ANKMY2: variants seen among roughly 807,000 people sequenced by gnomAD.
The protein encoded by ANKMY2 is ankyrin repeat and MYND domain-containing protein 2.
Under a neutral mutation model 50.4 loss-of-function variants are expected in ANKMY2, and 36 were observed. That is an observed-to-expected ratio of 0.71 (90% CI 0.55 to 0.94). The LOEUF is 0.94. Among genes scored for constraint, ANKMY2 ranks in the 40% least tolerant of loss-of-function variants. ANKMY2 has a pLI of 0.00. For synonymous variants in ANKMY2, 187 were observed against 178.8 expected (o/e 1.05, Z -0.36); for missense variants, 565 against 524.0 (o/e 1.08, Z -0.76).
intron 2 of ANKMY2, among the ~76,000 whole-genome samples, chr7:16,632,203 T>A (rs1169738289): frequency 6.6e-6 from 1 of 151,648 alleles, no homozygotes; most frequent in East Asian, 1.9e-4. Flanking sequence ...ATTTTGGTTT[T>A]AAGTTGATAA....
chr7:16,618,404 T>C (rs1206996246), intron 4 of ANKMY2, among the ~76,000 whole-genome samples: 2 of 152,170 alleles, frequency 1.3e-5, no homozygotes, highest in Non-Finnish European at 1.5e-5. Flanking sequence ...GGAAATCTAA[T>C]AGTGAAAATT....
intron 4 of ANKMY2, among the ~76,000 whole-genome samples, chr7:16,622,650 G>A (rs974714387): frequency 1.3e-5 from 2 of 152,046 alleles, no homozygotes; most frequent in Non-Finnish European, 2.9e-5. Flanking sequence ...TGAGGCAGGA[G>A]AATCACTTGA....
intron 4 of ANKMY2, among the ~76,000 whole-genome samples, chr7:16,616,138 A>G (rs960503179): frequency 1.3e-5 from 2 of 152,138 alleles, no homozygotes; most frequent in Non-Finnish European, 2.9e-5. Flanking sequence ...CAAAATACAT[A>G]CGAAGATTAT....
At chr7:16,620,801 A>G (rs1360168674) in intron 4 of ANKMY2, among the ~76,000 whole-genome samples, 3 of 152,226 alleles carry the variant, frequency 2.0e-5, no homozygotes, top group African/African-American at 7.2e-5. Flanking sequence ...TTTATAAGTT[A>G]TACTACTTAA....
intron 9 of ANKMY2, 132 bp from the exon 10 acceptor site, chr7:16,601,077 G>A (rs748546862): frequency 3.2e-5 from 20 of 630,314 alleles, no homozygotes; most frequent in South Asian, 6.6e-5. Flanking sequence ...CATCGCTAAC[G>A]TTATTTTACA....
chr7:16,620,094 T>C, intron 4 of ANKMY2, among the ~76,000 whole-genome samples: 1 of 152,176 alleles, frequency 6.6e-6, no homozygotes, highest in East Asian at 1.9e-4. Flanking sequence ...ATGATGGGTG[T>C]CAAAGAATAT....
chr7:16,630,432 T>C (rs577956029), intron 2 of ANKMY2, among the ~76,000 whole-genome samples: 4 of 152,348 alleles, frequency 2.6e-5, no homozygotes, highest in African/African-American at 9.6e-5. Context: ...CTTAACTGAA[T>C]AGCATGAGAA....
chr7:16,618,149 C>A (rs546833942), intron 4 of ANKMY2, among the ~76,000 whole-genome samples: 175 of 152,152 alleles, frequency 1.2e-3, no homozygotes, highest in South Asian at 4.8e-3. Context: ...TGGTCTCAAA[C>A]TCCTGACCTC....
chr7:16,627,118 G>A lies in ANKMY2; in HGVS notation c.193C>T (p.Leu65=). The change falls in exon 3 of 10, where the codon CTA becomes TTA. Residue 65 remains leucine (L), a synonymous_variant. Coordinates refer to ENST00000306999, the MANE Select transcript of ANKMY2 (RefSeq NM_020319.3). ...TTTACATCGGCTCCATGTCGCAGTA[G>A]TAATTTGCACATATCGAGTTTTCCT... ...YKGKLDMCKL[L]LRHGADVNCH... 6.2e-7 allele frequency: 1 copy of A among 1,612,244 alleles called. No homozygotes were observed. The highest frequency in any genetic ancestry group is 8.5e-7 in the Non-Finnish European group (1 of 1,178,870).
At chr7:16,628,593 A>T (rs1266312020) in intron 2 of ANKMY2, among the ~76,000 whole-genome samples, 1 of 152,082 alleles carries the variant, frequency 6.6e-6, no homozygotes, top group Non-Finnish European at 1.5e-5. Context: ...TTAGCTTTTA[A>T]ATAAGGCAAT....
intron 4 of ANKMY2, among the ~76,000 whole-genome samples, chr7:16,616,771 C>A (rs1781359883): frequency 6.6e-6 from 1 of 152,256 alleles, no homozygotes; most frequent in Non-Finnish European, 1.5e-5. Flanking sequence ...AGCGTGCAGA[C>A]GCCATGGCCC....
intron 1 of ANKMY2, among the ~76,000 whole-genome samples, chr7:16,639,580 C>T (rs143619056): frequency 2.0e-5 from 3 of 151,986 alleles, no homozygotes; most frequent in African/African-American, 7.3e-5. Flanking sequence ...TAATATTTTC[C>T]CAGCATGGAC....
rs989366693 is a variant in ANKMY2 at position 16,603,419 on chromosome 7, T to C, written c.1012-910A>G. 73 of 330,518 alleles carry C rather than the reference T, an allele frequency of 2.2e-4. 4 individuals carry two copies. Among genetic ancestry groups the C allele is most frequent in the South Asian group, 1.6e-3 (63 of 39,136 alleles). The allele number at this position is 330,518 out of a possible 1,614,324, so 20.5% of individuals were successfully genotyped here. On this transcript the variant is annotated intron_variant, in intron 8 of 9. Transcript: ENST00000306999. The stretch of plus-strand genomic sequence containing the variant: ...AAGAATTCTAACTGGAGAAAATATC[T>C]AGTACAAAAATGCAGGAACAGGGAA...
rs769505559 is a variant in ANKMY2, at chr7:16,645,543, G to A, written c.31C>T (p.Gln11Ter). The change falls in exon 1 of 10, where the codon CAG becomes TAG. Residue 11 changes from glutamine (Q) to a stop codon, truncating the protein, a stop_gained. Coordinates refer to ENST00000306999, the MANE Select transcript of ANKMY2 (RefSeq NM_020319.3). LOFTEE classifies it high-confidence loss of function. MVHIKKGELTQEEKELLEVIG... is the reference protein window; with the variant it reads MVHIKKGELT ...ACTTCCAGTAGCTCCTTCTCCTCCT[G>A]GGTCAGCTCGCCTTTCTTTATGTGA... is the stretch of plus-strand genomic sequence containing the variant. 3 of 1,612,112 alleles carry A rather than the reference G, an allele frequency of 1.9e-6. No homozygotes were observed. The highest frequency in any genetic ancestry group is 2.7e-5 in the African/African-American group (2 of 74,892).
At chr7:16,645,403 G>A (rs1354321109) in intron 1 of ANKMY2, 104 bp downstream of exon 1, 1 of 1,163,398 alleles carries the variant, frequency 8.6e-7, no homozygotes, top group Admixed American at 3.0e-5. Context: ...TGCAAACCTT[G>A]CAGAACCGCA....
At chr7:16,634,827 G>C (rs952973305) in intron 2 of ANKMY2, among the ~76,000 whole-genome samples, 1 of 151,986 alleles carries the variant, frequency 6.6e-6, no homozygotes, top group Non-Finnish European at 1.5e-5. Flanking sequence ...TTAAAAACTA[G>C]AACTGAAATA....
In ANKMY2 at chr7:16,634,086, T is replaced by C. The variant is rs186933467; in HGVS notation, c.132+2305A>G. Among the ~76,000 whole-genome samples, 265 of 152,288 alleles carry C rather than the reference T, an allele frequency of 1.7e-3. 3 individuals carry two copies. Among genetic ancestry groups the C allele is most frequent in the African/African-American group, 5.9e-3 (246 of 41,568 alleles). On this transcript the variant is annotated intron_variant, in intron 2 of 9. Transcript: ENST00000306999. ...ACCCCTTTCCCTTCTGCATGAGAAA[T>C]TGAAGTTCAATGAACTTTTTAGCAC...
chr7:16,624,872 GT>G (rs992070990), intron 4 of ANKMY2, 110 bp downstream of exon 4: 3 of 894,018 alleles, frequency 3.4e-6, no homozygotes, highest in African/African-American at 1.7e-5. Context: ...AAATACTTAA[GT>G]TTTTTTAAAG....
chr7:16,604,165 G>A (rs928185719), intron 8 of ANKMY2, among the ~76,000 whole-genome samples: 6 of 152,100 alleles, frequency 3.9e-5, no homozygotes, highest in Non-Finnish European at 7.3e-5. Flanking sequence ...GTGAATGTAC[G>A]GACACATGCA....
Sources: gnomAD v4.1 joint callset for allele counts (sites outside exome capture counted in the v4.1 genomes callset) on GRCh38, gnomAD v4.1.1 for gene constraint, MANE v1.5 for transcripts, NCBI Gene and HGNC (gene_info 2026-07-23, HGNC 2026-07-21) for gene names.